Variants in OLFM3 observed in about 807,000 individuals in gnomAD.
The protein encoded by OLFM3 is noelin-3.
OLFM3 carries 20 observed loss-of-function variants against 48.6 expected under a neutral mutation model. That is an observed-to-expected ratio of 0.41 (90% CI 0.29 to 0.60). The LOEUF is 0.60. Among genes scored for constraint, OLFM3 ranks in the 20% least tolerant of loss-of-function variants. The probability of loss-of-function intolerance (pLI) is 0.28; values close to 1 mark genes in which losing one functional copy is unlikely to be tolerated. For synonymous variants in OLFM3, 222 were observed against 198.1 expected, an observed-to-expected ratio of 1.12 and a Z score of -1.01; for missense variants, 437 against 544.3, an observed-to-expected ratio of 0.80 and a Z score of 1.96.
chr1:101,835,068 G>A (rs1655335663), intron 2 of OLFM3, among the ~76,000 whole-genome samples: 1 of 152,102 alleles, frequency 6.6e-6, no homozygotes, highest in Non-Finnish European at 1.5e-5. Context: ...CTGAAAAATA[G>A]CAACACAGAA....
At chr1:101,950,860 G>T (rs1422771835) in intron 1 of OLFM3, among the ~76,000 whole-genome samples, 3 of 152,076 alleles carry the variant, frequency 2.0e-5, no homozygotes, top group African/African-American at 7.2e-5. Context: ...GCTCGGAAAA[G>T]GAACTCAATA....
intron 1 of OLFM3, among the ~76,000 whole-genome samples, chr1:101,993,571 T>A (rs1411608788): frequency 6.6e-6 from 1 of 152,118 alleles, no homozygotes; most frequent in Non-Finnish European, 1.5e-5. Context: ...TCTCTTAAAA[T>A]AGGCAGTGAT....
At chr1:101,948,237 G>T (rs1660017999) in intron 1 of OLFM3, among the ~76,000 whole-genome samples, 1 of 152,024 alleles carries the variant, frequency 6.6e-6, no homozygotes, top group African/African-American at 2.4e-5. Flanking sequence ...CTGTGATACT[G>T]ATAATAAATT....
intron 1 of OLFM3, among the ~76,000 whole-genome samples, chr1:101,896,488 CTTTTTT>C (rs35260761): frequency 1.3e-5 from 1 of 76,686 alleles, no homozygotes; most frequent in African/African-American, 5.8e-5. Flanking sequence ...TGCTTACACA[CTTTTTT>C]TTTTTTTTTT....
intron 1 of OLFM3, among the ~76,000 whole-genome samples, chr1:101,879,826 A>G (rs1433213309): frequency 6.6e-6 from 1 of 151,836 alleles, no homozygotes; most frequent in African/African-American, 2.4e-5. Flanking sequence ...TCACTCCTTT[A>G]TGAATCTGTA....
At chr1:101,812,435 T>C in intron 4 of OLFM3, 4 of 985,380 alleles carry the variant, frequency 4.1e-6, no homozygotes, top group Non-Finnish European at 4.8e-6. Context: ...AAGCATGATT[T>C]GTACAAAGCA....
intron 1 of OLFM3, among the ~76,000 whole-genome samples, chr1:101,968,854 A>AT (rs1489635735): frequency 2.6e-5 from 4 of 152,244 alleles, no homozygotes; most frequent in Admixed American, 2.6e-4. Flanking sequence ...TTTATTGTGA[A>AT]TTTTTTGATT....
chr1:101,898,381 C>T (rs936843124), intron 1 of OLFM3, among the ~76,000 whole-genome samples: 1 of 152,130 alleles, frequency 6.6e-6, no homozygotes, highest in Non-Finnish European at 1.5e-5. Context: ...GGATTCCAAA[C>T]GCATACAGCT....
chr1:101,850,740 C>T lies in OLFM3; in HGVS notation c.70-13715G>A, dbSNP rs113240100. ...TGACTTTAGGTAAAATGAGAAGAGA[C>T]TTAGATTGCTTGCTAAACAGTAGAA... On this transcript the variant is annotated intron_variant, in intron 1 of 5. Transcript: ENST00000370103. Among the ~76,000 whole-genome samples, 679 of 152,106 alleles carry T rather than the reference C, an allele frequency of 4.5e-3. 5 individuals are homozygous for T. The highest frequency in any genetic ancestry group is 0.015 in the African/African-American group (636 of 41,490).
At chr1:101,983,970 G>A (rs947691008) in intron 1 of OLFM3, among the ~76,000 whole-genome samples, 1 of 152,058 alleles carries the variant, frequency 6.6e-6, no homozygotes. Context: ...ATTGAATCAC[G>A]GGTAGCCTGC....
intron 1 of OLFM3, among the ~76,000 whole-genome samples, chr1:101,908,507 T>A (rs577101819): frequency 1.3e-5 from 2 of 152,138 alleles, no homozygotes; most frequent in African/African-American, 4.8e-5. Context: ...TAGATGCATT[T>A]TGAATATTTG....
intron 1 of OLFM3, among the ~76,000 whole-genome samples, chr1:101,890,301 T>A (rs545792615): frequency 6.6e-6 from 1 of 152,000 alleles, no homozygotes; most frequent in African/African-American, 2.4e-5. Flanking sequence ...AGGAAGATAA[T>A]CTTTGTGTAC....
chr1:101,986,360 G>A (rs77294503), intron 1 of OLFM3, among the ~76,000 whole-genome samples: 2,536 of 152,174 alleles, frequency 0.017, 42 homozygotes, highest in Middle Eastern at 0.041. Flanking sequence ...TCTTGTACAT[G>A]AGGAAATGGA....
chr1:101,874,563 A>G (rs1657221567), intron 1 of OLFM3, among the ~76,000 whole-genome samples: 1 of 151,854 alleles, frequency 6.6e-6, no homozygotes, highest in Non-Finnish European at 1.5e-5. Flanking sequence ...GGTACTATGT[A>G]TATAATTTTG....
At chr1:101,988,157 G>A (rs1234821916) in intron 1 of OLFM3, among the ~76,000 whole-genome samples, 1 of 151,986 alleles carries the variant, frequency 6.6e-6, no homozygotes, top group African/African-American at 2.4e-5. Context: ...CTTTTAAAAA[G>A]AGTTGGAAAA....
chr1:101,925,699 T>A (rs1433047811), intron 1 of OLFM3, among the ~76,000 whole-genome samples: 1 of 149,800 alleles, frequency 6.7e-6, no homozygotes, highest in Non-Finnish European at 1.5e-5. Context: ...ATTAATTCTT[T>A]TTTTTTTTTG....
At chr1:101,853,787 A>G (rs1656311946) in intron 1 of OLFM3, among the ~76,000 whole-genome samples, 1 of 152,060 alleles carries the variant, frequency 6.6e-6, no homozygotes, top group South Asian at 2.1e-4. Context: ...TGCATGATGG[A>G]CCTATACGTG....
intron 1 of OLFM3, among the ~76,000 whole-genome samples, chr1:101,991,505 A>T (rs1340322756): frequency 1.3e-5 from 2 of 152,096 alleles, no homozygotes; most frequent in Non-Finnish European, 2.9e-5. Context: ...CCAGTCTAAA[A>T]TCCTCAAGGA....
intron 1 of OLFM3, among the ~76,000 whole-genome samples, chr1:101,947,963 C>A (rs1351992016): frequency 1.3e-5 from 2 of 152,116 alleles, no homozygotes; most frequent in African/African-American, 4.8e-5. Context: ...AGGTGGTTGA[C>A]CAAGCCAACT....
Sources: allele counts gnomAD v4.1 joint callset (sites outside exome capture counted in the v4.1 genomes callset), GRCh38; gene constraint gnomAD v4.1.1; transcripts MANE v1.5; gene names NCBI Gene and HGNC (gene_info 2026-07-23, HGNC 2026-07-21).